Variants in SP110 observed in about 807,000 individuals in gnomAD.
SP110 encodes interferon-induced protein 41, 30kD.
SP110 carries 62 observed loss-of-function variants against 92.7 expected under a neutral mutation model. The observed-to-expected ratio is 0.67, with a 90% CI of 0.55 to 0.83. The LOEUF (loss-of-function observed/expected upper bound fraction) is 0.83. Ranked by LOEUF, SP110 falls within the 40% of genes least tolerant of loss-of-function variation. The probability of loss-of-function intolerance (pLI) is 0.00; values close to 1 mark genes in which losing one functional copy is unlikely to be tolerated. For synonymous variants in SP110, 273 were observed against 305.3 expected (o/e 0.89, Z 1.10); for missense variants, 793 against 863.9 (o/e 0.92, Z 1.03).
upstream of SP110, chr2:230,221,606 T>G: frequency 6.8e-6 from 8 of 1,171,702 alleles, no homozygotes; most frequent in South Asian, 2.6e-5. Context: ...GAGGGTGCAT[T>G]GATGCCTCAG....
At chr2:230,179,536 T>C (rs2042032706) in intron 12 of SP110, among the ~76,000 whole-genome samples, 1 of 151,752 alleles carries the variant, frequency 6.6e-6, no homozygotes, top group Non-Finnish European at 1.5e-5. Context: ...CTCTGCAACT[T>C]ACTAGAAGGA....
intron 12 of SP110, 22 bp downstream of exon 12, chr2:230,183,550 G>A (rs1194361006): frequency 6.4e-7 from 1 of 1,566,540 alleles, no homozygotes; most frequent in Non-Finnish European, 8.8e-7. Flanking sequence ...CAGTGGGGAG[G>A]CGCTGTGGCT....
chr2:230,219,847 A>T, intron 1 of SP110, 27 bp downstream of exon 1: 2 of 916,686 alleles, frequency 2.2e-6, no homozygotes, highest in Non-Finnish European at 2.6e-6. Context: ...AAGAGCGAAG[A>T]ATAAAGCAGC....
intron 10 of SP110, among the ~76,000 whole-genome samples, chr2:230,197,808 C>T (rs548862020): frequency 3.4e-4 from 52 of 152,232 alleles, no homozygotes; most frequent in African/African-American, 1.2e-3. Context: ...GGAATCCTTT[C>T]CCCATATAAT....
upstream of SP110, among the ~76,000 whole-genome samples, chr2:230,222,938 T>C (rs978441411): frequency 3.0e-4 from 46 of 151,802 alleles, no homozygotes; most frequent in African/African-American, 9.7e-4. Context: ...GATTCATCTC[T>C]GTTGTTGTGG....
chr2:230,212,722 C>G, intron 4 of SP110, 39 bp downstream of exon 4: 4 of 1,612,674 alleles, frequency 2.5e-6, no homozygotes, highest in Non-Finnish European at 3.4e-6. Context: ...GCACCTTAGG[C>G]TGAGGATATA....
intron 8 of SP110, chr2:230,203,667 A>G (rs939140490): frequency 3.3e-5 from 5 of 152,192 alleles, no homozygotes; most frequent in African/African-American, 1.2e-4. Flanking sequence ...CGGAGATGAG[A>G]ACACTTACAG....
In SP110 at chr2:230,171,022, G is replaced by A. The variant is rs2078425576; in HGVS notation, c.1888-261C>T. ...GAAACCGAGGGATGGAGAGGTCAAG[G>A]AACCTACCCAAGATGTCTCAGCAAG... is the stretch of plus-strand genomic sequence containing the variant. On this transcript the variant is annotated intron_variant, in intron 17 of 18. Transcript: ENST00000258381. The A allele has an allele frequency of 5.4e-6, 3 of 553,668 alleles. No individual in the cohort carries two copies. In the East Asian group the frequency reaches 9.5e-5, roughly 18 times the overall value. 34.3% of individuals were successfully genotyped at this position (553,668 alleles called of 1,614,324 possible).
chr2:230,208,043 T>C lies in SP110; in HGVS notation c.846A>G (p.Arg282=), dbSNP rs1442781872. 2 of 1,552,658 alleles carry C rather than the reference T, an allele frequency of 1.3e-6. No individual in the cohort carries two copies. Among genetic ancestry groups the C allele is most frequent in the Admixed American group, 1.7e-5 (1 of 59,510 alleles). ...PSDKKGKKRK[R]CIWSTPKRRH... ...TCCTTTTTGGAGTTGACCAGATACA[T>C]CTTTTTCTTTTCTTTCCTAAAAAGA... Residue 282 remains arginine, a synonymous_variant, in exon 8 of 19, where the codon AGA becomes AGG. Transcript: ENST00000258381.
chr2:230,208,641 A>G (rs776062377), intron 7 of SP110, among the ~76,000 whole-genome samples: 8 of 152,188 alleles, frequency 5.3e-5, no homozygotes, highest in Non-Finnish European at 1.0e-4. Flanking sequence ...GAGGTTTGAA[A>G]AATAGGGCTT....
chr2:230,194,504 G>C (rs1280918080), intron 10 of SP110, among the ~76,000 whole-genome samples: 4 of 152,098 alleles, frequency 2.6e-5, no homozygotes, highest in African/African-American at 9.7e-5. Context: ...GGAAGAGGGA[G>C]AGAATACAGA....
At chr2:230,203,067 G>C in intron 8 of SP110, 1 of 352,184 alleles carries the variant, frequency 2.8e-6, no homozygotes, top group Non-Finnish European at 5.4e-6. Flanking sequence ...TAGGTGGAGA[G>C]GAGGTGTCTT....
chr2:230,195,831 A>G (rs897023528), intron 10 of SP110, among the ~76,000 whole-genome samples: 1 of 152,178 alleles, frequency 6.6e-6, no homozygotes, highest in African/African-American at 2.4e-5. Context: ...ACACCCCGAC[A>G]CTATTAAAGC....
In SP110 at chr2:230,209,929, A is replaced by G; in HGVS notation, c.829+2T>C. On this transcript the variant is annotated splice_donor_variant, in intron 7 of 18. Transcript: ENST00000258381. LOFTEE classifies it high-confidence loss of function. ...CCTCTACAGAAGAAAGGCTTTTCTT[A>G]CCTTTCTTGTCTGAAGGTGTGCTGG... is the stretch of plus-strand genomic sequence containing the variant. 6.3e-7 allele frequency: 1 copy of G among 1,576,058 alleles called. No individual in the cohort carries two copies. The highest frequency in any genetic ancestry group is 1.3e-5 in the African/African-American group (1 of 74,312).
rs540648171 is a variant in SP110, at chr2:230,176,812, T to C, written c.1590+726A>G. 1.4e-4 allele frequency: 195 copies of C among 1,361,836 alleles called. No individual in the cohort carries two copies. In the African/African-American group the frequency reaches 2.6e-3, roughly 18 times the overall value. The allele number at this position is 1,361,836 out of a possible 1,614,324, so 84.4% of individuals were successfully genotyped here. A position where few individuals can be genotyped will look rare whatever the true frequency, so the allele number is the denominator to read the frequency against. On this transcript the variant is annotated intron_variant, in intron 14 of 18. Transcript: ENST00000258381. Reference sequence around the variant, plus strand: ...GCCTTCCCACTTCCTAGTGAATGTCTGTACCCAGACATCACACTGGATCTC... The same window carrying C: ...GCCTTCCCACTTCCTAGTGAATGTCCGTACCCAGACATCACACTGGATCTC...
chr2:230,216,755 CCATGGAAGGGTTCAA>C lies in SP110; in HGVS notation c.147+11_147+25del. On this transcript the variant is annotated intron_variant, in intron 2 of 18. Coordinates refer to ENST00000258381, the MANE Select transcript of SP110 (RefSeq NM_080424.4). ...AGGCATATTGGTGGGGGCTGGGCTG[CCATGGAAGGGTTCAA>C]CATGACTCACCATGTACATTCTCTT... 6.2e-7 allele frequency: 1 copy of C among 1,612,822 alleles called. No individual in the cohort carries two copies. The highest frequency in any genetic ancestry group is 2.2e-5 in the East Asian group (1 of 44,848).
At chr2:230,171,973 G>A in intron 16 of SP110, 93 bp downstream of exon 16, 2 of 874,560 alleles carry the variant, frequency 2.3e-6, no homozygotes, top group South Asian at 1.3e-5. Flanking sequence ...GACATTGAAG[G>A]CTCCCTTTGG....
At chr2:230,204,734 G>T (rs975350378) in intron 8 of SP110, among the ~76,000 whole-genome samples, 2 of 152,098 alleles carry the variant, frequency 1.3e-5, no homozygotes, top group Admixed American at 6.5e-5. Flanking sequence ...CCAGTGCTGG[G>T]TGCTGTAGAA....
intron 10 of SP110, 101 bp from the exon 11 acceptor site, chr2:230,186,244 C>A (rs138069785): frequency 8.7e-7 from 1 of 1,148,874 alleles, no homozygotes; most frequent in Non-Finnish European, 1.3e-6. Context: ...ATAATTCTCT[C>A]TTTTCTTGTG....
Sources: gnomAD v4.1 joint callset for allele counts (sites outside exome capture counted in the v4.1 genomes callset) on GRCh38, gnomAD v4.1.1 for gene constraint, MANE v1.5 for transcripts, NCBI Gene and HGNC (gene_info 2026-07-23, HGNC 2026-07-21) for gene names.